Variants in TENM3 observed in about 807,000 individuals in gnomAD.
TENM3 encodes teneurin-3.
Under a neutral mutation model 255.1 loss-of-function variants are expected in TENM3, and 63 were observed. The observed-to-expected ratio is 0.25, with a 90% confidence interval of 0.20 to 0.30. The LOEUF (loss-of-function observed/expected upper bound fraction) is 0.30, where lower values mean the gene tolerates loss of function less well. TENM3 is among the 10% of genes least tolerant of loss of function. The pLI is 1.00. For missense variants in TENM3, 2,929 were observed against 3,461.1 expected (o/e 0.85, Z 3.86); for synonymous variants, 1,306 against 1,322.3 (o/e 0.99, Z 0.27).
chr4:181,593,670 T>C, the TENM3 span, among the ~76,000 whole-genome samples: 1 of 152,230 alleles, frequency 6.6e-6, no homozygotes, highest in Non-Finnish European at 1.5e-5. Flanking sequence ...TTGCTGCTAC[T>C]GTATATTTTA....
intron 16 of TENM3, among the ~76,000 whole-genome samples, chr4:182,731,993 G>A (rs1760790566): frequency 6.6e-6 from 1 of 151,840 alleles, no homozygotes; most frequent in Admixed American, 6.6e-5. Flanking sequence ...ATGTTGGCCA[G>A]GATGGTCTCC....
chr4:181,784,373 T>C, the TENM3 span, among the ~76,000 whole-genome samples: 89 of 152,124 alleles, frequency 5.9e-4, 1 homozygote, highest in Middle Eastern at 0.01. Context: ...AATATCTTAA[T>C]TTACATTGTC....
intron 7 of TENM3, among the ~76,000 whole-genome samples, chr4:182,675,187 T>G (rs1031077783): frequency 7.9e-5 from 12 of 151,964 alleles, no homozygotes; most frequent in Non-Finnish European, 1.8e-4. Context: ...GTCTAGACCA[T>G]TTTAAAGTTT....
intron 1 of TENM3, among the ~76,000 whole-genome samples, chr4:182,201,672 G>C (rs1476311351): frequency 6.6e-6 from 1 of 152,040 alleles, no homozygotes; most frequent in Non-Finnish European, 1.5e-5. Context: ...ATGGCAGGGT[G>C]GGGGGTCTGG....
At chr4:182,781,890 C>T (rs1409674036) in intron 24 of TENM3, among the ~76,000 whole-genome samples, 1 of 151,028 alleles carries the variant, frequency 6.6e-6, no homozygotes, top group African/African-American at 2.4e-5. Flanking sequence ...TCTGTGGGAT[C>T]GGTGGTGATA....
intron 22 of TENM3, among the ~76,000 whole-genome samples, chr4:182,768,501 G>A (rs1023880743): frequency 6.6e-6 from 1 of 152,128 alleles, no homozygotes; most frequent in African/African-American, 2.4e-5. Context: ...GTGAATATGG[G>A]AAGAGGCAGA....
At chr4:182,760,858 C>G (rs976355877) in intron 22 of TENM3, among the ~76,000 whole-genome samples, 3 of 152,092 alleles carry the variant, frequency 2.0e-5, no homozygotes, top group Non-Finnish European at 4.4e-5. Context: ...AGAAGGGATC[C>G]CCGAAGAGGA....
chr4:182,653,920 G>GT, intron 6 of TENM3, 27 bp downstream of exon 6: 1 of 1,580,436 alleles, frequency 6.3e-7, no homozygotes, highest in Middle Eastern at 1.7e-4. Flanking sequence ...TGTATCCTGT[G>GT]TTTCTCTTTT....
At chr4:181,892,321 C>T in the TENM3 span, among the ~76,000 whole-genome samples, 358 of 152,236 alleles carry the variant, frequency 2.4e-3, 1 homozygote, top group African/African-American at 8.0e-3. Context: ...TTCTCCTTCC[C>T]GTGTCATACT....
chr4:182,093,587 T>G, the TENM3 span, among the ~76,000 whole-genome samples: 1 of 152,112 alleles, frequency 6.6e-6, no homozygotes, highest in Non-Finnish European at 1.5e-5. Context: ...TGAGCCCCCG[T>G]AGAGCCAACA....
the TENM3 span, chr4:181,976,498 G>A: frequency 6.6e-6 from 1 of 152,168 alleles, no homozygotes; most frequent in Non-Finnish European, 1.5e-5. Flanking sequence ...GGTACTAGGG[G>A]GTAGGACTTC....
At chr4:182,612,891 T>A (rs1310828511) in intron 4 of TENM3, among the ~76,000 whole-genome samples, 1 of 152,242 alleles carries the variant, frequency 6.6e-6, no homozygotes, top group Non-Finnish European at 1.5e-5. Context: ...CCTTGTTTTG[T>A]TTTGTCATCC....
At chr4:181,887,948 A>G in the TENM3 span, among the ~76,000 whole-genome samples, 2 of 152,228 alleles carry the variant, frequency 1.3e-5, no homozygotes, top group African/African-American at 4.8e-5. Context: ...AAAGGCAAGC[A>G]ATAAAAATCA....
At chr4:181,530,471 T>G in the TENM3 span, among the ~76,000 whole-genome samples, 2 of 152,078 alleles carry the variant, frequency 1.3e-5, no homozygotes, top group Non-Finnish European at 2.9e-5. Context: ...TGAGTTGCAA[T>G]GCATGAGTTA....
At chr4:182,189,324 C>T (rs1300031393) in intron 1 of TENM3, among the ~76,000 whole-genome samples, 2 of 152,038 alleles carry the variant, frequency 1.3e-5, no homozygotes, top group African/African-American at 4.8e-5. Flanking sequence ...ATCCTTTACT[C>T]TTCCGTGTCA....
At chr4:182,155,624 T>C (rs1750652161) in intron 1 of TENM3, among the ~76,000 whole-genome samples, 1 of 152,120 alleles carries the variant, frequency 6.6e-6, no homozygotes, top group African/African-American at 2.4e-5. Flanking sequence ...AAGAAATAAA[T>C]AATACTGCCT....
chr4:181,576,753 C>G, the TENM3 span, among the ~76,000 whole-genome samples: 56,259 of 149,996 alleles, frequency 0.38, 11,299 homozygotes, highest in Middle Eastern at 0.5. Flanking sequence ...ACCTATATCT[C>G]TTATAGCAGC....
rs928896788 is a variant in TENM3, at chr4:182,658,998, C to T, written c.1111+5105C>T. Among the ~76,000 whole-genome samples the T allele has an allele frequency of 5.9e-5, 9 of 152,294 alleles. No homozygotes were observed. In the East Asian group the frequency reaches 9.6e-4, roughly 16 times the overall value. On this transcript the variant is annotated intron_variant, in intron 6 of 27. Coordinates refer to ENST00000511685, the MANE Select transcript of TENM3 (RefSeq NM_001080477.4). ...TACCAGCTTTGTATAACCTAGCAGT[C>T]GCCATTCTAGGCTTTCACTGCCATC...
intron 3 of TENM3, among the ~76,000 whole-genome samples, chr4:182,409,030 A>C (rs928064306): frequency 5.3e-5 from 8 of 152,222 alleles, no homozygotes; most frequent in Non-Finnish European, 8.8e-5. Flanking sequence ...GATAACTAAA[A>C]ATTGCTCCAT....
Sources: gnomAD v4.1 joint callset for allele counts (sites outside exome capture counted in the v4.1 genomes callset) on GRCh38, gnomAD v4.1.1 for gene constraint, MANE v1.5 for transcripts, NCBI Gene and HGNC (gene_info 2026-07-23, HGNC 2026-07-21) for gene names.